The following SMIM40 variants were observed in gnomAD, a reference collection of about 807,000 sequenced individuals.
SMIM40 encodes small integral membrane protein 40.
At chr6:33,324,918 A>T (rs1264298945) in intron 1 of SMIM40, among the ~76,000 whole-genome samples, 1 of 147,482 alleles carries the variant, frequency 6.8e-6, no homozygotes, top group Non-Finnish European at 1.5e-5. Flanking sequence ...AAAAAGGAAA[A>T]AAAAAGGGTC....
intron 1 of SMIM40, among the ~76,000 whole-genome samples, chr6:33,327,245 A>AC (rs1176995448): frequency 6.9e-6 from 1 of 144,872 alleles, no homozygotes; most frequent in Admixed American, 6.9e-5. Context: ...ATATGGTGAC[A>AC]CCCCCGTCTC....
At chr6:33,328,110 T>A (rs1191015501) in intron 1 of SMIM40, among the ~76,000 whole-genome samples, 1 of 151,604 alleles carries the variant, frequency 6.6e-6, no homozygotes, top group Non-Finnish European at 1.5e-5. Context: ...AATTAAAAAA[T>A]AAATAAAATG....
chr6:33,326,741 T>C (rs1225462918), intron 1 of SMIM40, among the ~76,000 whole-genome samples: 1 of 148,010 alleles, frequency 6.8e-6, no homozygotes, highest in Non-Finnish European at 1.5e-5. Flanking sequence ...GGGGAATCCC[T>C]TGAATTTGGG....
At chr6:33,325,411 G>A (rs953540117) in intron 1 of SMIM40, among the ~76,000 whole-genome samples, 8 of 146,970 alleles carry the variant, frequency 5.4e-5, no homozygotes, top group African/African-American at 1.8e-4. Context: ...GTCTTACTGT[G>A]TTGCCCAGAT....
At chr6:33,326,154 T>C (rs1771157057) in intron 1 of SMIM40, among the ~76,000 whole-genome samples, 1 of 145,396 alleles carries the variant, frequency 6.9e-6, no homozygotes, top group Non-Finnish European at 1.5e-5. Flanking sequence ...TGGTAAGAAC[T>C]AATTTATACT....
chr6:33,325,813 G>A (rs1771137446), intron 1 of SMIM40, among the ~76,000 whole-genome samples: 1 of 145,986 alleles, frequency 6.8e-6, no homozygotes, highest in Non-Finnish European at 1.5e-5. Flanking sequence ...AGCCGAGATC[G>A]CGCCACTGCC....
chr6:33,327,295 G>T (rs1021913448), intron 1 of SMIM40, among the ~76,000 whole-genome samples: 1 of 149,194 alleles, frequency 6.7e-6, no homozygotes, highest in Non-Finnish European at 1.5e-5. Context: ...GGTGGCTCGC[G>T]CCTTTAGTCC....
At chr6:33,325,645 C>A (rs1388299378) in intron 1 of SMIM40, among the ~76,000 whole-genome samples, 2 of 145,930 alleles carry the variant, frequency 1.4e-5, no homozygotes, top group Non-Finnish European at 3.0e-5. Context: ...ATCGAGACCA[C>A]CCTGGCTAAC....
At chr6:33,325,832 T>C (rs2151008347) in intron 1 of SMIM40, among the ~76,000 whole-genome samples, 1 of 144,872 alleles carries the variant, frequency 6.9e-6, no homozygotes, top group South Asian at 2.1e-4. Context: ...CCCTCCAGCC[T>C]GGGCGACAGA....
At chr6:33,325,363 T>TAAAA (rs1771102429) in intron 1 of SMIM40, among the ~76,000 whole-genome samples, 1 of 38,354 alleles carries the variant, frequency 2.6e-5, no homozygotes, top group East Asian at 5.2e-4. Flanking sequence ...AGACTCTGTC[T>TAAAA]CAAAAAAAAA....
At chr6:33,324,288 T>G (rs1770989096) in intron 1 of SMIM40, among the ~76,000 whole-genome samples, 1 of 152,024 alleles carries the variant, frequency 6.6e-6, no homozygotes, top group Non-Finnish European at 1.5e-5. Flanking sequence ...GGGATTTAAT[T>G]TCAAGAACCT....
Position 33,329,037 on chromosome 6 carries a change from GCTC to G in SMIM40, c.226_228del (p.Glu76del). ...TATAGGAAAGGTGGTCACAATTCCA[GCTC>G]CTCCTCCTTCTGAGGTGTCCCCAGG... On this transcript the variant is annotated inframe_deletion, in exon 1 of 3. Transcript: ENST00000494082. 2.5e-6 allele frequency: 1 copy of G among 398,774 alleles called. No individual in the cohort carries two copies. Among genetic ancestry groups the G allele is most frequent in the Non-Finnish European group, 4.4e-6 (1 of 226,234 alleles). 24.7% of individuals were successfully genotyped at this position (398,774 alleles called of 1,614,324 possible). A position where few individuals can be genotyped will look rare whatever the true frequency, so the allele number is the denominator to read the frequency against.
chr6:33,323,704 C>T lies in SMIM40; in HGVS notation c.*260G>A, dbSNP rs1008495663. On this transcript the variant is annotated 3_prime_UTR_variant, in exon 3 of 3. Coordinates refer to ENST00000494082, the MANE Select transcript of SMIM40 (RefSeq NM_001369203.1). ...CCACAGAACTAATGACCAGCCAGAC[C>T]GTTGGGACCTGAATGGTTCTTCTCC... is the stretch of plus-strand genomic sequence containing the variant. 1 of 152,300 alleles carries T rather than the reference C, an allele frequency of 6.6e-6. No homozygotes were observed. The highest frequency in any genetic ancestry group is 2.4e-5 in the African/African-American group (1 of 41,444). The allele number at this position is 152,300 out of a possible 1,614,324, so 9.4% of individuals were successfully genotyped here.
chr6:33,326,157 T>C (rs1334235668), intron 1 of SMIM40, among the ~76,000 whole-genome samples: 1 of 144,846 alleles, frequency 6.9e-6, no homozygotes, highest in Non-Finnish European at 1.5e-5. Flanking sequence ...TAAGAACTAA[T>C]TTATACTTTT....
intron 1 of SMIM40, among the ~76,000 whole-genome samples, chr6:33,324,710 C>T (rs1259236434): frequency 2.0e-5 from 3 of 148,428 alleles, no homozygotes; most frequent in African/African-American, 5.0e-5. Context: ...TGGTGAAACC[C>T]CGTCTCTACT....
chr6:33,326,380 G>T lies in SMIM40; in HGVS notation c.*40-2350C>A, dbSNP rs190037144. 9.8e-3 allele frequency among the ~76,000 whole-genome samples: 1,430 copies of T among 145,976 alleles called. 144 individuals carry two copies. The highest frequency in any genetic ancestry group is 0.037 in the African/African-American group (1,362 of 36,992). ...TTTAGTGGATATGGGTTTTTGGCAT[G>T]TTGGCCAGGCTGGTCTCAAACTCCT... is the stretch of plus-strand genomic sequence containing the variant. On this transcript the variant is annotated intron_variant, in intron 1 of 2. Transcript: ENST00000494082.
At position 33,329,243 on chromosome 6, in the gene SMIM40, T is replaced by A; in HGVS notation, c.23A>T (p.Asp8Val). Reference sequence around the variant, plus strand: ...AAATGCCAGGAACACATCCGCCTCGTCCACATCACCTTCCTCTGCCATCCT... The same window carrying A: ...AAATGCCAGGAACACATCCGCCTCGACCACATCACCTTCCTCTGCCATCCT... MAEEGDV[D>V]EADVFLAFAQ... Residue 8 changes from aspartate to valine, a missense_variant, in exon 1 of 3, where the codon GAC becomes GTC. Coordinates refer to ENST00000494082, the MANE Select transcript of SMIM40 (RefSeq NM_001369203.1). 2.5e-6 allele frequency: 1 copy of A among 398,744 alleles called. No individual in the cohort carries two copies. Among genetic ancestry groups the A allele is most frequent in the Non-Finnish European group, 4.4e-6 (1 of 226,170 alleles). The allele number at this position is 398,744 out of a possible 1,614,324, so 24.7% of individuals were successfully genotyped here. A position where few individuals can be genotyped will look rare whatever the true frequency, so the allele number is the denominator to read the frequency against.
At chr6:33,324,316 G>A (rs990686352) in intron 1 of SMIM40, among the ~76,000 whole-genome samples, 2 of 151,422 alleles carry the variant, frequency 1.3e-5, no homozygotes, top group African/African-American at 2.4e-5. Flanking sequence ...CCCAAAATTG[G>A]TCTTCCTAAG....
Position 33,324,310 on chromosome 6 carries a change from A to G in SMIM40, c.*40-280T>C, listed in dbSNP as rs553170229. On this transcript the variant is annotated intron_variant, in intron 1 of 2. Coordinates refer to ENST00000494082, the MANE Select transcript of SMIM40 (RefSeq NM_001369203.1). ...AATTTCAAGAACCTCAACTTTCCCA[A>G]AATTGGTCTTCCTAAGGAAACACCT... is the stretch of plus-strand genomic sequence containing the variant. 2.0e-5 allele frequency among the ~76,000 whole-genome samples: 3 copies of G among 152,116 alleles called. No homozygotes were observed. The East Asian group carries it at 5.8e-4, about 29-fold the overall frequency.
Sources: gnomAD v4.1 joint callset for allele counts (sites outside exome capture counted in the v4.1 genomes callset) on GRCh38, gnomAD v4.1.1 for gene constraint, MANE v1.5 for transcripts, NCBI Gene and HGNC (gene_info 2026-07-23, HGNC 2026-07-21) for gene names.